The following HS1BP3 variants were observed in gnomAD, a reference collection of about 807,000 sequenced individuals.
HS1BP3 encodes HCLS1-binding protein 3.
Under a neutral mutation model 33.5 loss-of-function variants are expected in HS1BP3, and 32 were observed. The observed-to-expected ratio is 0.95, with a 90% confidence interval of 0.72 to 1.28. HS1BP3 has a LOEUF of 1.28. Ranked by LOEUF, HS1BP3 falls within the 50% of genes most tolerant of loss-of-function variation. The pLI is 0.00. For missense variants in HS1BP3, 486 were observed against 502.3 expected, an observed-to-expected ratio of 0.97 and a Z score of 0.31; for synonymous variants, 187 against 209.2, an observed-to-expected ratio of 0.89 and a Z score of 0.92.
chr2:20,646,769 A>G (rs1695533824), intron 1 of HS1BP3, among the ~76,000 whole-genome samples: 1 of 152,206 alleles, frequency 6.6e-6, no homozygotes, highest in Non-Finnish European at 1.5e-5. Flanking sequence ...ACCAGTGTGG[A>G]GGAGGAAGGT....
chr2:20,577,350 C>T (rs1160022596), intron 5 of HS1BP3, among the ~76,000 whole-genome samples: 1 of 152,222 alleles, frequency 6.6e-6, no homozygotes, highest in Non-Finnish European at 1.5e-5. Flanking sequence ...GGCTAGTAGG[C>T]CTGGACTCCT....
intron 5 of HS1BP3, among the ~76,000 whole-genome samples, chr2:20,580,742 A>T (rs1246567512): frequency 6.6e-6 from 1 of 152,254 alleles, no homozygotes; most frequent in Non-Finnish European, 1.5e-5. Flanking sequence ...TTACCAAGTC[A>T]GATAATATCA....
intron 3 of HS1BP3, among the ~76,000 whole-genome samples, chr2:20,595,594 C>T (rs1006545300): frequency 2.6e-5 from 4 of 152,236 alleles, no homozygotes; most frequent in African/African-American, 9.6e-5. Flanking sequence ...TGACTCTCTG[C>T]GAAGGGACTG....
chr2:20,645,541 T>C, intron 1 of HS1BP3, 36 bp from the exon 2 acceptor site: 1 of 1,587,564 alleles, frequency 6.3e-7, no homozygotes, highest in Non-Finnish European at 8.6e-7. Flanking sequence ...GGGTTCAGGG[T>C]CAAGGCAGTA....
At chr2:20,612,657 G>T (rs1418268312) in intron 2 of HS1BP3, among the ~76,000 whole-genome samples, 2 of 152,166 alleles carry the variant, frequency 1.3e-5, no homozygotes, top group Non-Finnish European at 2.9e-5. Context: ...TCGTTTTTGT[G>T]ATCTAATAAT....
chr2:20,639,030 A>T (rs1486291522), intron 3 of HS1BP3, among the ~76,000 whole-genome samples: 1 of 152,226 alleles, frequency 6.6e-6, no homozygotes, highest in Non-Finnish European at 1.5e-5. Context: ...GGTGGGATAC[A>T]ACAGCCAGGG....
At chr2:20,640,540 G>T in intron 3 of HS1BP3, 1 of 428,730 alleles carries the variant, frequency 2.3e-6, no homozygotes, top group Non-Finnish European at 4.1e-6. Flanking sequence ...CATGTCCCCA[G>T]GGGCAGGTCA....
intron 5 of HS1BP3, among the ~76,000 whole-genome samples, chr2:20,573,250 AG>A (rs980924252): frequency 6.6e-6 from 1 of 152,116 alleles, no homozygotes; most frequent in Non-Finnish European, 1.5e-5. Context: ...AGAGGGGCAA[AG>A]CATTCTCCCC....
chr2:20,594,134 TCTGGCTGTGCCA>T (rs1235123414), intron 3 of HS1BP3, among the ~76,000 whole-genome samples: 1 of 152,244 alleles, frequency 6.6e-6, no homozygotes, highest in East Asian at 1.9e-4. Context: ...CTCAGATGGC[TCTGGCTGTGCCA>T]CTGGGTTGAG....
chr2:20,638,564 CT>C lies in HS1BP3; in HGVS notation c.494del (p.Glu165GlyfsTer22), dbSNP rs751524751. 7.4e-6 allele frequency: 12 copies of C among 1,614,236 alleles called. No individual in the cohort carries two copies. In the East Asian group the frequency reaches 2.7e-4, roughly 36 times the overall value. ...CTTGCTCCTCAAAAAAGTCGAAAGC[CT>C]CTTCATCATTCCCTGTCTGACTGTC... is the stretch of plus-strand genomic sequence containing the variant. The part of the protein sequence containing the change: ...GTDSQTGNDE[E>X]AFDFFEEQDQ... On this transcript the variant is annotated frameshift_variant, in exon 4 of 7. Transcript: ENST00000304031. LOFTEE classifies it high-confidence loss of function.
At chr2:20,567,786 C>T (rs892751857) in intron 5 of HS1BP3, among the ~76,000 whole-genome samples, 4 of 152,216 alleles carry the variant, frequency 2.6e-5, no homozygotes, top group South Asian at 2.1e-4. Flanking sequence ...AGCTGAGCTT[C>T]CCTCCTTAGG....
chr2:20,632,188 G>A (rs924999488), intron 4 of HS1BP3, among the ~76,000 whole-genome samples: 2 of 152,192 alleles, frequency 1.3e-5, no homozygotes, highest in African/African-American at 4.8e-5. Context: ...GCTTCAAAGT[G>A]TCCCACTCCC....
chr2:20,629,293 C>A (rs1694897552), intron 4 of HS1BP3, among the ~76,000 whole-genome samples: 1 of 152,180 alleles, frequency 6.6e-6, no homozygotes, highest in African/African-American at 2.4e-5. Flanking sequence ...CCCCCTCAAT[C>A]CTCTCCTCCC....
intron 4 of HS1BP3, among the ~76,000 whole-genome samples, chr2:20,628,435 G>A (rs4402715): frequency 0.33 from 50,019 of 151,688 alleles, 8,575 homozygotes; most frequent in East Asian, 0.59. Flanking sequence ...AGGAGTTTGA[G>A]ACCAGCCTGG....
downstream of HS1BP3, among the ~76,000 whole-genome samples, chr2:20,592,125 C>G (rs1693829875): frequency 7.5e-6 from 1 of 133,080 alleles, no homozygotes; most frequent in African/African-American, 2.9e-5. Context: ...CTCCTGAGCC[C>G]CTCTCTCACA....
intron 5 of HS1BP3, among the ~76,000 whole-genome samples, chr2:20,572,383 GC>G (rs1251879570): frequency 6.6e-6 from 1 of 152,198 alleles, no homozygotes; most frequent in Non-Finnish European, 1.5e-5. Flanking sequence ...TCTTCGTGTA[GC>G]CCCAGGACTC....
At chr2:20,580,786 C>A (rs1041561103) in intron 5 of HS1BP3, among the ~76,000 whole-genome samples, 1 of 152,074 alleles carries the variant, frequency 6.6e-6, no homozygotes, top group Non-Finnish European at 1.5e-5. Context: ...TAAAAGAAAC[C>A]CTCAGGAGCT....
At chr2:20,569,551 T>TA (rs983705245) in intron 5 of HS1BP3, among the ~76,000 whole-genome samples, 36 of 152,364 alleles carry the variant, frequency 2.4e-4, no homozygotes, top group African/African-American at 8.7e-4. Flanking sequence ...ATACTCAGGC[T>TA]AAAAAAATTC....
intron 4 of HS1BP3, among the ~76,000 whole-genome samples, chr2:20,628,921 G>T (rs73916930): frequency 0.11 from 16,749 of 152,172 alleles, 930 homozygotes; most frequent in Middle Eastern, 0.14. Context: ...CAGACGTAGT[G>T]CCATGAGGGA....
Sources: gnomAD v4.1 joint callset for allele counts (sites outside exome capture counted in the v4.1 genomes callset) on GRCh38, gnomAD v4.1.1 for gene constraint, MANE v1.5 for transcripts, NCBI Gene and HGNC (gene_info 2026-07-23, HGNC 2026-07-21) for gene names.